Variants in C10orf90 observed in about 807,000 individuals in gnomAD.
C10orf90 encodes chromosome 10 open reading frame 90.
A neutral mutation model predicts 62.5 loss-of-function variants in C10orf90; 56 were observed. The ratio of observed to expected loss-of-function variants is 0.90; its 90% CI spans 0.72 to 1.12. The LOEUF is 1.12. C10orf90 is among the 50% of genes most tolerant of loss of function. The pLI, the probability that C10orf90 is intolerant of heterozygous loss-of-function variation, is 0.00. For missense variants in C10orf90, 970 were observed against 880.4 expected (o/e 1.10, Z -1.29); for synonymous variants, 386 against 340.4 (o/e 1.13, Z -1.47).
intron 4 of C10orf90, among the ~76,000 whole-genome samples, chr10:126,469,108 A>G (rs978416331): frequency 6.6e-6 from 1 of 152,206 alleles, no homozygotes; most frequent in Non-Finnish European, 1.5e-5. Flanking sequence ...ACTGTCAGTC[A>G]CATCTCAAAG....
intron 2 of C10orf90, among the ~76,000 whole-genome samples, chr10:126,602,831 A>G (rs1346007263): frequency 1.4e-5 from 2 of 147,570 alleles, no homozygotes; most frequent in South Asian, 2.1e-4. Context: ...TGGGTCTTGG[A>G]TTCCATGAAA....
intron 2 of C10orf90, among the ~76,000 whole-genome samples, chr10:126,612,046 C>T (rs905305046): frequency 4.6e-5 from 7 of 152,232 alleles, no homozygotes; most frequent in Non-Finnish European, 7.3e-5. Flanking sequence ...GTCGGCCAGA[C>T]GCTGTGGCTC....
intron 4 of C10orf90, among the ~76,000 whole-genome samples, chr10:126,503,035 C>T (rs533681640): frequency 2.6e-5 from 4 of 152,010 alleles, no homozygotes; most frequent in Admixed American, 6.5e-5. Flanking sequence ...AAAGTTGTAC[C>T]GTAAAATTAT....
chr10:126,555,594 G>A (rs1198972232), intron 2 of C10orf90, among the ~76,000 whole-genome samples: 2 of 151,776 alleles, frequency 1.3e-5, no homozygotes, highest in Admixed American at 6.6e-5. Flanking sequence ...CAGGAGAATC[G>A]CTTGAACCTG....
At chr10:126,599,394 G>T (rs1166646907) in intron 2 of C10orf90, among the ~76,000 whole-genome samples, 2 of 151,438 alleles carry the variant, frequency 1.3e-5, no homozygotes, top group Non-Finnish European at 2.9e-5. Context: ...TAGAGATGGG[G>T]TTTCACCGTG....
intron 6 of C10orf90, 67 bp downstream of exon 6, chr10:126,461,334 C>T: frequency 6.4e-7 from 1 of 1,558,118 alleles, no homozygotes; most frequent in East Asian, 2.3e-5. Context: ...AGGTTGTGTG[C>T]TCACGGACTC....
At chr10:126,427,495 T>C (rs1857330003) in intron 8 of C10orf90, among the ~76,000 whole-genome samples, 1 of 152,180 alleles carries the variant, frequency 6.6e-6, no homozygotes, top group Non-Finnish European at 1.5e-5. Flanking sequence ...TTTCAGTTGG[T>C]GCACTGGAAG....
At chr10:126,535,176 T>TAGAG (rs202183355) in intron 2 of C10orf90, among the ~76,000 whole-genome samples, 1 of 150,802 alleles carries the variant, frequency 6.6e-6, no homozygotes, top group African/African-American at 2.4e-5. Flanking sequence ...TGTGTATGTT[T>TAGAG]AGAGAGAGAG....
intron 7 of C10orf90, among the ~76,000 whole-genome samples, chr10:126,435,484 C>G (rs1857852459): frequency 6.6e-6 from 1 of 152,126 alleles, no homozygotes; most frequent in East Asian, 1.9e-4. Context: ...GGATGGATTT[C>G]ATAAAGGGTC....
chr10:126,454,530 T>C (rs988354469), intron 7 of C10orf90, among the ~76,000 whole-genome samples: 13 of 151,886 alleles, frequency 8.6e-5, no homozygotes, highest in African/African-American at 3.1e-4. Flanking sequence ...CTATAAGCTA[T>C]GGTTTACCCC....
chr10:126,493,498 T>C (rs1473194334), intron 4 of C10orf90, among the ~76,000 whole-genome samples: 1 of 151,966 alleles, frequency 6.6e-6, no homozygotes, highest in Non-Finnish European at 1.5e-5. Flanking sequence ...GTAGCTGGGA[T>C]TACAGGTGCC....
At chr10:126,587,010 A>G (rs1844885879) in intron 2 of C10orf90, among the ~76,000 whole-genome samples, 1 of 151,674 alleles carries the variant, frequency 6.6e-6, no homozygotes, top group Non-Finnish European at 1.5e-5. Context: ...ACCATCTAAA[A>G]GTGATGTGAT....
chr10:126,650,746 T>C (rs897687933), intron 1 of C10orf90, among the ~76,000 whole-genome samples: 1 of 152,196 alleles, frequency 6.6e-6, no homozygotes, highest in Admixed American at 6.5e-5. Flanking sequence ...AGGTGGTGAC[T>C]AGGACACATA....
intron 2 of C10orf90, among the ~76,000 whole-genome samples, chr10:126,570,331 TC>T (rs2134002902): frequency 6.6e-6 from 1 of 152,332 alleles, no homozygotes; most frequent in Non-Finnish European, 1.5e-5. Flanking sequence ...TGCCTAACTT[TC>T]TTCCTTTAAC....
At chr10:126,547,190 C>T (rs570296703) in intron 2 of C10orf90, among the ~76,000 whole-genome samples, 28 of 152,098 alleles carry the variant, frequency 1.8e-4, no homozygotes, top group East Asian at 7.8e-4. Flanking sequence ...GAGGCCGAGG[C>T]GGGCGGATCA....
At chr10:126,463,140 A>G (rs1860095136) in intron 5 of C10orf90, 1 of 149,518 alleles carries the variant, frequency 6.7e-6, no homozygotes, top group Non-Finnish European at 1.5e-5. Context: ...TTTCTAGTTC[A>G]CCCTGTGCAC....
intron 7 of C10orf90, among the ~76,000 whole-genome samples, chr10:126,433,487 C>T (rs891243711): frequency 6.6e-6 from 1 of 152,016 alleles, no homozygotes; most frequent in Non-Finnish European, 1.5e-5. Flanking sequence ...AAACGGCAGC[C>T]CAGGGTCACA....
intron 4 of C10orf90, among the ~76,000 whole-genome samples, chr10:126,477,096 T>G (rs1860923397): frequency 9.4e-6 from 1 of 106,236 alleles, no homozygotes; most frequent in Admixed American, 1.0e-4. Context: ...TTTTTTTTTT[T>G]TTTTTTTTTT....
chr10:126,575,459 A>G (rs1844590427), intron 2 of C10orf90, among the ~76,000 whole-genome samples: 1 of 152,108 alleles, frequency 6.6e-6, no homozygotes, highest in Non-Finnish European at 1.5e-5. Context: ...CCCCATGCTC[A>G]TGGATCAGAA....
Sources: gnomAD v4.1 joint callset for allele counts (sites outside exome capture counted in the v4.1 genomes callset) on GRCh38, gnomAD v4.1.1 for gene constraint, MANE v1.5 for transcripts, NCBI Gene and HGNC (gene_info 2026-07-23, HGNC 2026-07-21) for gene names.